EOGT: variants seen among roughly 807,000 people sequenced by gnomAD.
EOGT encodes EGF domain specific O-linked N-acetylglucosamine transferase.
EOGT carries 55 observed loss-of-function variants against 70.5 expected under a neutral mutation model. The observed-to-expected ratio is 0.78, with a 90% CI of 0.63 to 0.98. The LOEUF is 0.98. Ranked by LOEUF, EOGT falls within the 50% of genes least tolerant of loss-of-function variation. The probability of loss-of-function intolerance (pLI) is 0.00; values close to 1 mark genes in which losing one functional copy is unlikely to be tolerated. For synonymous variants in EOGT, 246 were observed against 217.1 expected, an observed-to-expected ratio of 1.13 and a Z score of -1.17; for missense variants, 703 against 641.9, an observed-to-expected ratio of 1.10 and a Z score of -1.03.
rs1283174959 is a variant in EOGT, at chr3:68,982,827, C to A, written c.1198G>T (p.Val400Phe). The stretch of plus-strand genomic sequence containing the variant: ...ATTACTTACCTATACTTGTAATCAA[C>A]AATCTGGACTTCAAATGTAGATACT... ...KTVSTFEVQI[V>F]DYKYRELGFL... is the part of the protein sequence containing the mutation. The change falls in exon 15 of 18, where the codon GTT (valine) becomes TTT (phenylalanine). Residue 400 changes from valine (V) to phenylalanine (F), a missense_variant. Physicochemically the swap from Val to Phe is conservative, Grantham distance 50 (BLOSUM62 -1). Transcript: ENST00000383701. The A allele has an allele frequency of 4.4e-6, 7 of 1,607,112 alleles. No homozygotes were observed. The highest frequency in any genetic ancestry group is 5.9e-6 in the Non-Finnish European group (7 of 1,177,062).
intron 17 of EOGT, 27 bp from the exon 18 acceptor site, chr3:68,977,791 C>A: frequency 1.9e-6 from 3 of 1,598,078 alleles, no homozygotes; most frequent in African/African-American, 2.7e-5. Flanking sequence ...AAACACGAAT[C>A]CATAACTCAA....
At chr3:68,992,942 T>C (rs1015724393) in intron 10 of EOGT, among the ~76,000 whole-genome samples, 1 of 152,234 alleles carries the variant, frequency 6.6e-6, no homozygotes, top group African/African-American at 2.4e-5. Context: ...CAGCCATGGC[T>C]GGAGCGGCTA....
At chr3:69,010,027 T>G (rs1421539531) in intron 3 of EOGT, among the ~76,000 whole-genome samples, 167 bp from the exon 4 acceptor site, 1 of 152,016 alleles carries the variant, frequency 6.6e-6, no homozygotes, top group Non-Finnish European at 1.5e-5. Flanking sequence ...CAATTTTTTT[T>G]GAGCACTTGC....
Position 69,004,423 on chromosome 3 carries a change from C to T in EOGT, c.575G>A (p.Arg192His), listed in dbSNP as rs138697363. The change falls in exon 8 of 18, where the codon CGT (arginine) becomes CAT (histidine). Residue 192 changes from arginine (R) to histidine (H), a missense_variant. By Grantham distance (29) the Arg-to-His change is conservative (BLOSUM62 0). Coordinates refer to ENST00000383701, the MANE Select transcript of EOGT (RefSeq NM_001278689.2). ...GCGCTGACCTTCAGACGTCAATGTA[C>T]GGATGTCAAGTTTACAGTGCCCTCC... ...EIGGHCKLDI[R>H]TLTSEGQRKS... 36 of 1,614,066 alleles carry T rather than the reference C, an allele frequency of 2.2e-5. No individual in the cohort carries two copies. Among genetic ancestry groups the T allele is most frequent in the East Asian group, 4.5e-5 (2 of 44,876 alleles).
intron 14 of EOGT, among the ~76,000 whole-genome samples, chr3:68,986,917 T>C (rs1198093214): frequency 6.6e-6 from 1 of 152,236 alleles, no homozygotes; most frequent in African/African-American, 2.4e-5. Context: ...AGAGGCTATC[T>C]TCAGGCCATG....
At position 68,987,277 on chromosome 3, in the gene EOGT, A is replaced by C. The variant is rs1347572746; in HGVS notation, c.1152+168T>G. ...AGTTTGTCTATGGGTGGTTTGGTGAATCTCACTAGAAATTCAAATCTAATA... is the reference window on the plus strand; with the variant it reads ...AGTTTGTCTATGGGTGGTTTGGTGACTCTCACTAGAAATTCAAATCTAATA... On this transcript the variant is annotated intron_variant, in intron 14 of 17. Transcript: ENST00000383701. Among the ~76,000 whole-genome samples, 5 of 152,324 alleles carry C rather than the reference A, an allele frequency of 3.3e-5. No homozygotes were observed. The South Asian group carries it at 6.2e-4, about 19-fold the overall frequency.
chr3:69,005,464 T>A (rs2091416781), intron 6 of EOGT, among the ~76,000 whole-genome samples: 1 of 151,978 alleles, frequency 6.6e-6, no homozygotes, highest in South Asian at 2.1e-4. Flanking sequence ...CATGGAAAAC[T>A]CCCCAACGAT....
chr3:68,994,295 G>A (rs1044830383), intron 10 of EOGT, among the ~76,000 whole-genome samples: 1 of 152,078 alleles, frequency 6.6e-6, no homozygotes, highest in Non-Finnish European at 1.5e-5. Context: ...AGTGAGCTAG[G>A]ATCATATTCC....
intron 3 of EOGT, 73 bp from the exon 4 acceptor site, chr3:69,009,933 C>CAACAAAAAAAAAAAAAAAAA: frequency 7.8e-6 from 2 of 255,194 alleles, no homozygotes; most frequent in Non-Finnish European, 1.5e-5. Context: ...ACAACAACAA[C>CAACAAAAAAAAAAAAAAAAA]AAAAAAAAAA....
chr3:68,983,678 C>T (rs183535414), intron 14 of EOGT, among the ~76,000 whole-genome samples: 1 of 152,258 alleles, frequency 6.6e-6, no homozygotes, highest in African/African-American at 2.4e-5. Context: ...AGAATCACAC[C>T]AGTGGCTGGG....
At chr3:69,004,563 A>G (rs1362314298) in intron 7 of EOGT, 81 bp from the exon 8 acceptor site, 1 of 867,802 alleles carries the variant, frequency 1.2e-6, no homozygotes, top group Admixed American at 2.2e-5. Flanking sequence ...AAAGTGGATT[A>G]CCAATTTCCA....
chr3:68,983,240 C>A (rs1004709498), intron 14 of EOGT, among the ~76,000 whole-genome samples: 1 of 152,212 alleles, frequency 6.6e-6, no homozygotes, highest in African/African-American at 2.4e-5. Flanking sequence ...CAACTTTCAA[C>A]ACACATTTTT....
At chr3:68,990,597 G>A (rs1048594161) in intron 10 of EOGT, among the ~76,000 whole-genome samples, 3 of 151,964 alleles carry the variant, frequency 2.0e-5, no homozygotes, top group Admixed American at 6.6e-5. Flanking sequence ...CAAGTGCTCC[G>A]CCTACCACGG....
Position 69,000,791 on chromosome 3 carries a change from A to G in EOGT, c.727+817T>C, listed in dbSNP as rs561953586. On this transcript the variant is annotated intron_variant, in intron 9 of 17. Transcript: ENST00000383701. ...CTGCTTGCAAGCTGAGAAAGAGGCT[A>G]TAAGTATAAATGATAAAATAATTTT... 1.2e-4 allele frequency among the ~76,000 whole-genome samples: 18 copies of G among 152,296 alleles called. No individual in the cohort carries two copies. The South Asian group carries it at 1.7e-3, about 14-fold the overall frequency.
Position 68,989,010 on chromosome 3 carries a change from T to C in EOGT, c.839A>G (p.Tyr280Cys). 6.6e-7 allele frequency: 1 copy of C among 1,521,500 alleles called. No homozygotes were observed. Among genetic ancestry groups the C allele is most frequent in the Non-Finnish European group, 8.8e-7 (1 of 1,136,808 alleles). The allele number at this position is 1,521,500 out of a possible 1,614,324, so 94.2% of individuals were successfully genotyped here. A position where few individuals can be genotyped will look rare whatever the true frequency, so the allele number is the denominator to read the frequency against. The stretch of plus-strand genomic sequence containing the variant: ...GTCGGAGAATAGGTCACCATATCCG[T>C]AAGAACTCTGAAAGTAGAAACAAAA... ...VYIVMWDTSSYGYGDLFSDTW... is the reference protein window; with the variant it reads ...VYIVMWDTSSCGYGDLFSDTW... Residue 280 changes from tyrosine (Y) to cysteine (C), a missense_variant, in exon 11 of 18, where the codon TAC becomes TGC. By Grantham distance (194) the Tyr-to-Cys change is radical. Transcript: ENST00000383701.
chr3:69,006,184 T>C (rs2091435799), intron 6 of EOGT, among the ~76,000 whole-genome samples: 2 of 152,206 alleles, frequency 1.3e-5, no homozygotes, highest in South Asian at 4.1e-4. Context: ...GAGTGCAAGA[T>C]AGGGGTTGTC....
Position 69,001,491 on chromosome 3 carries a change from AC to A in EOGT, c.727+116del, listed in dbSNP as rs1228984515. 30 of 628,848 alleles carry A rather than the reference AC, an allele frequency of 4.8e-5. No homozygotes were observed. The Admixed American group carries it at 6.4e-4, about 13-fold the overall frequency. 39.0% of individuals were successfully genotyped at this position (628,848 alleles called of 1,614,324 possible). ...TTCTTCAGAGAAGAAAGCAAAAAAA[AC>A]AAATCTACTGTTTGTCATACTGCTT... is the stretch of plus-strand genomic sequence containing the variant. On this transcript the variant is annotated intron_variant, in intron 9 of 17. Coordinates refer to ENST00000383701, the MANE Select transcript of EOGT (RefSeq NM_001278689.2).
Position 68,977,503 on chromosome 3 carries a change from G to T in EOGT, c.*115C>A. 9.4e-7 allele frequency: 1 copy of T among 1,059,222 alleles called. No individual in the cohort carries two copies. Among genetic ancestry groups the T allele is most frequent in the Non-Finnish European group, 1.4e-6 (1 of 707,896 alleles). The allele number at this position is 1,059,222 out of a possible 1,614,324, so 65.6% of individuals were successfully genotyped here. The stretch of plus-strand genomic sequence containing the variant: ...TAACAATATCCTGAAGGTATGTTTT[G>T]GCATAGAAAAGGTAATTCGGGGATA... On this transcript the variant is annotated 3_prime_UTR_variant, in exon 18 of 18. Transcript: ENST00000383701.
intron 10 of EOGT, among the ~76,000 whole-genome samples, chr3:68,990,502 G>A (rs368447229): frequency 7.9e-5 from 12 of 151,900 alleles, no homozygotes; most frequent in East Asian, 5.8e-4. Flanking sequence ...ACAGGCGCAC[G>A]CCACCACACC....
Sources: gnomAD v4.1 joint callset for allele counts (sites outside exome capture counted in the v4.1 genomes callset) on GRCh38, gnomAD v4.1.1 for gene constraint, MANE v1.5 for transcripts, NCBI Gene and HGNC (gene_info 2026-07-23, HGNC 2026-07-21) for gene names.